The following GPHN variants were observed in gnomAD, a reference collection of about 807,000 sequenced individuals.
GPHN encodes the protein gephyrin.
In GPHN, 17 loss-of-function variants were observed where a neutral mutation model predicts 95.5. The ratio of observed to expected loss-of-function variants is 0.18; its 90% confidence interval spans 0.12 to 0.27. The LOEUF is 0.27. GPHN is among the 10% of genes least tolerant of loss of function. The probability of loss-of-function intolerance (pLI) is 1.00; values close to 1 mark genes in which losing one functional copy is unlikely to be tolerated. For missense variants in GPHN, 660 were observed against 978.1 expected, an observed-to-expected ratio of 0.67 and a Z score of 4.34; for synonymous variants, 320 against 322.5, an observed-to-expected ratio of 0.99 and a Z score of 0.08.
chr14:67,209,413 TGG>T, the GPHN span, among the ~76,000 whole-genome samples: 2 of 152,180 alleles, frequency 1.3e-5, no homozygotes, highest in African/African-American at 4.8e-5. Flanking sequence ...TGTGAACCTC[TGG>T]GGGAACAGAG....
intron 10 of GPHN, among the ~76,000 whole-genome samples, chr14:67,047,908 C>G (rs1249479611): frequency 6.6e-6 from 1 of 152,120 alleles, no homozygotes; most frequent in Non-Finnish European, 1.5e-5. Flanking sequence ...TGCAGTGAGC[C>G]GTGATCACGC....
chr14:66,977,548 AT>A (rs1368199055), intron 9 of GPHN, among the ~76,000 whole-genome samples: 1 of 152,196 alleles, frequency 6.6e-6, no homozygotes, highest in African/African-American at 2.4e-5. Flanking sequence ...CATTATTTAT[AT>A]TTGTGAAAAA....
intron 4 of GPHN, among the ~76,000 whole-genome samples, chr14:66,836,528 C>T (rs2061825040): frequency 7.3e-6 from 1 of 137,474 alleles, no homozygotes; most frequent in African/African-American, 3.1e-5. Context: ...AGGACATAGG[C>T]ATGGGCAAGG....
chr14:66,854,129 C>T (rs1025196574), intron 4 of GPHN, among the ~76,000 whole-genome samples: 2 of 152,174 alleles, frequency 1.3e-5, no homozygotes, highest in East Asian at 1.9e-4. Flanking sequence ...TCCCTTAACC[C>T]GAATATTTGT....
At chr14:66,689,907 CT>C (rs994217301) in intron 2 of GPHN, among the ~76,000 whole-genome samples, 3 of 151,132 alleles carry the variant, frequency 2.0e-5, no homozygotes, top group Non-Finnish European at 4.4e-5. Flanking sequence ...TTATTTGAGT[CT>C]TTTTTTATCT....
At chr14:67,378,515 G>A in the GPHN span, among the ~76,000 whole-genome samples, 2 of 152,160 alleles carry the variant, frequency 1.3e-5, no homozygotes, top group Middle Eastern at 3.4e-3. Flanking sequence ...ATAGAGCCAG[G>A]CAGTATTCAA....
At chr14:67,399,953 C>T in the GPHN span, among the ~76,000 whole-genome samples, 2 of 152,160 alleles carry the variant, frequency 1.3e-5, no homozygotes, top group African/African-American at 4.8e-5. Flanking sequence ...AGGTTCTAAC[C>T]AACAGAGGTG....
At chr14:67,235,937 A>G in the GPHN span, among the ~76,000 whole-genome samples, 1 of 152,020 alleles carries the variant, frequency 6.6e-6, no homozygotes, top group Non-Finnish European at 1.5e-5. Flanking sequence ...AAAAAGTTTT[A>G]TGTGTGTCTT....
At chr14:67,692,624 C>A in the GPHN span, 1 of 1,522,970 alleles carries the variant, frequency 6.6e-7, no homozygotes, top group South Asian at 1.3e-5. Context: ...GAGAAATGGT[C>A]AGCTCTGTTT....
the GPHN span, among the ~76,000 whole-genome samples, chr14:67,567,574 G>A: frequency 6.6e-6 from 1 of 151,994 alleles, no homozygotes; most frequent in African/African-American, 2.4e-5. Flanking sequence ...CCTGCTGCAG[G>A]GCCCTCCTTG....
chr14:66,807,526 C>T (rs557891067), intron 3 of GPHN, among the ~76,000 whole-genome samples: 3 of 152,206 alleles, frequency 2.0e-5, no homozygotes, highest in African/African-American at 2.4e-5. Flanking sequence ...GATCATTCTG[C>T]GTGAATGCTA....
the GPHN span, chr14:67,411,943 G>T: frequency 7.4e-7 from 1 of 1,347,606 alleles, no homozygotes; most frequent in Non-Finnish European, 1.0e-6. Flanking sequence ...CGGGGCGCGC[G>T]TCTGGCCCCG....
At chr14:67,567,296 T>A in the GPHN span, among the ~76,000 whole-genome samples, 1 of 152,230 alleles carries the variant, frequency 6.6e-6, no homozygotes, top group Non-Finnish European at 1.5e-5. Context: ...GTGTGAGAAA[T>A]ACTTATGTAT....
At chr14:67,220,881 G>T in the GPHN span, among the ~76,000 whole-genome samples, 1 of 152,182 alleles carries the variant, frequency 6.6e-6, no homozygotes, top group African/African-American at 2.4e-5. Flanking sequence ...TGAACTGGGT[G>T]TATTTGCCAG....
rs375518948 is a variant in GPHN, at chr14:66,872,477, A to T, written c.295-7462A>T. 3.1e-3 allele frequency among the ~76,000 whole-genome samples: 469 copies of T among 152,306 alleles called. 11 individuals carry two copies. Among genetic ancestry groups the T allele is most frequent in the African/African-American group, 0.011 (444 of 41,570 alleles). On this transcript the variant is annotated intron_variant, in intron 4 of 22. Coordinates refer to ENST00000478722, the MANE Select transcript of GPHN (RefSeq NM_020806.5). ...TCTTGACCATTATACAGTAAAATAT[A>T]TACCTATTTTGATTGACCCTTCAAA... is the stretch of plus-strand genomic sequence containing the variant.
At chr14:67,366,403 AG>A in the GPHN span, among the ~76,000 whole-genome samples, 1 of 152,218 alleles carries the variant, frequency 6.6e-6, no homozygotes, top group Non-Finnish European at 1.5e-5. Flanking sequence ...TATACACAAA[AG>A]GAGGAATCAA....
At chr14:67,202,253 C>A in the GPHN span, among the ~76,000 whole-genome samples, 1 of 152,176 alleles carries the variant, frequency 6.6e-6, no homozygotes, top group African/African-American at 2.4e-5. Context: ...CCAGCCCCAC[C>A]AACATGGTGA....
the GPHN span, chr14:67,473,720 G>A: frequency 6.2e-6 from 10 of 1,606,326 alleles, no homozygotes; most frequent in African/African-American, 4.0e-5. This position sits in a 1 kb window ranked among gnomAD's most constrained non-coding sequence, Gnocchi z 6.5. Context: ...GGCAGCGGCC[G>A]CGCAGCCGCA....
the GPHN span, among the ~76,000 whole-genome samples, chr14:67,260,080 A>T: frequency 6.6e-6 from 1 of 152,236 alleles, no homozygotes; most frequent in Non-Finnish European, 1.5e-5. Context: ...TATTAGTTTA[A>T]TAGAAGAATG....
Sources: gnomAD v4.1 joint callset for allele counts (sites outside exome capture counted in the v4.1 genomes callset) on GRCh38, gnomAD v4.1.1 for gene constraint, Gnocchi (gnomAD v3.1) non-coding constraint, MANE v1.5 for transcripts, NCBI Gene and HGNC (gene_info 2026-07-23, HGNC 2026-07-21) for gene names.